Variants in BMPR2 observed in about 807,000 individuals in gnomAD.
BMPR2 encodes the protein bone morphogenetic protein receptor type 2.
BMPR2 carries 29 observed loss-of-function variants against 100.8 expected under a neutral mutation model. That is an observed-to-expected ratio of 0.29 (90% CI 0.21 to 0.39). The LOEUF is 0.39. Among genes scored for constraint, BMPR2 ranks in the 10% least tolerant of loss-of-function variants. BMPR2 has a pLI of 1.00. For synonymous variants in BMPR2, 382 were observed against 442.3 expected, an observed-to-expected ratio of 0.86 and a Z score of 1.71; for missense variants, 1,011 against 1,274.5, an observed-to-expected ratio of 0.79 and a Z score of 3.15.
At chr2:202,519,346 G>A (rs1165011155) in intron 6 of BMPR2, among the ~76,000 whole-genome samples, 1 of 152,120 alleles carries the variant, frequency 6.6e-6, no homozygotes. Context: ...CTGGGCGACA[G>A]AGCAAGACGC....
chr2:202,555,310 T>C lies in BMPR2; in HGVS notation c.1645T>C (p.Ser549Pro), dbSNP rs1178061846. Residue 549 changes from serine to proline, a missense_variant, in exon 12 of 13, where the codon TCC (serine) becomes CCC (proline). Physicochemically the swap from Ser to Pro is moderately conservative, Grantham distance 74. This residue lies in a region of BMPR2 where 508 missense variants were observed against 552.0 expected (regional missense o/e 0.92). Coordinates refer to ENST00000374580, the MANE Select transcript of BMPR2 (RefSeq NM_001204.7). ...KIGPYPDYSS[S>P]SYIEDSIHHT... is the part of the protein sequence containing the mutation. Reference sequence around the variant, plus strand: ...TGGTCCTTATCCAGATTATTCTTCCTCCTCATACATTGAAGACTCTATCCA... The same window carrying C: ...TGGTCCTTATCCAGATTATTCTTCCCCCTCATACATTGAAGACTCTATCCA... 1.2e-6 allele frequency: 2 copies of C among 1,614,196 alleles called. No homozygotes were observed. Among genetic ancestry groups the C allele is most frequent in the African/African-American group, 2.7e-5 (2 of 75,052 alleles).
intron 1 of BMPR2, among the ~76,000 whole-genome samples, chr2:202,434,922 T>A (rs1559037450): frequency 8.8e-5 from 10 of 113,704 alleles, no homozygotes; most frequent in East Asian, 2.3e-4. Context: ...TATATATATA[T>A]ATATATATAT....
intron 9 of BMPR2, among the ~76,000 whole-genome samples, chr2:202,536,213 A>C (rs1688155151): frequency 6.6e-6 from 1 of 152,118 alleles, no homozygotes; most frequent in Admixed American, 6.5e-5. Context: ...CCCCAGGCTC[A>C]GGTGATTCTC....
chr2:202,397,786 C>A lies in BMPR2; in HGVS notation c.76+20236C>A, dbSNP rs576284852. Among the ~76,000 whole-genome samples, 58 of 151,224 alleles carry A rather than the reference C, an allele frequency of 3.8e-4. 1 individual carries two copies. In the South Asian group the frequency reaches 0.012, roughly 31 times the overall value. ...AAGTGCTGGGATTATAGACGTGAGCCACCATGCCTGGCCAAAAATGCTTCC... is the reference window on the plus strand; with the variant it reads ...AAGTGCTGGGATTATAGACGTGAGCAACCATGCCTGGCCAAAAATGCTTCC... On this transcript the variant is annotated intron_variant, in intron 1 of 12. Coordinates refer to ENST00000374580, the MANE Select transcript of BMPR2 (RefSeq NM_001204.7).
In BMPR2 at chr2:202,448,647, G is replaced by A. The variant is rs182372922; in HGVS notation, c.77-16162G>A. 3.6e-3 allele frequency among the ~76,000 whole-genome samples: 543 copies of A among 150,708 alleles called. 3 individuals carry two copies. The highest frequency in any genetic ancestry group is 0.011 in the African/African-American group (450 of 41,168). ...AATTTTTTGTATTTTTATTAGAGAC[G>A]GGGTTTCGACATGTTAGCCAGGATG... On this transcript the variant is annotated intron_variant, in intron 1 of 12. Transcript: ENST00000374580.
At position 202,562,179 on chromosome 2, in the gene BMPR2, A is replaced by G. The variant is rs576473066; in HGVS notation, c.*2233A>G. The G allele has an allele frequency of 6.6e-6, 1 of 152,450 alleles. No individual in the cohort carries two copies. The highest frequency in any genetic ancestry group is 6.5e-5 in the Admixed American group (1 of 15,294). 9.4% of individuals were successfully genotyped at this position (152,450 alleles called of 1,614,324 possible). On this transcript the variant is annotated 3_prime_UTR_variant, in exon 13 of 13. Transcript: ENST00000374580. The stretch of plus-strand genomic sequence containing the variant: ...TTTGAAGCATTGAGGATAAATGACC[A>G]TTTGAGGTCTAACTGATCTTTTCCT...
intron 3 of BMPR2, among the ~76,000 whole-genome samples, chr2:202,494,177 T>C (rs1344721274): frequency 6.6e-6 from 1 of 152,240 alleles, no homozygotes; most frequent in East Asian, 1.9e-4. Flanking sequence ...ATTTGGATTA[T>C]TTTGCTAATG....
Position 202,560,289 on chromosome 2 carries a change from A to G in BMPR2, c.*343A>G. The G allele has an allele frequency of 3.5e-6, 1 of 286,766 alleles. No homozygotes were observed. The highest frequency in any genetic ancestry group is 3.8e-5 in the South Asian group (1 of 26,614). The allele number at this position is 286,766 out of a possible 1,614,324, so 17.8% of individuals were successfully genotyped here. ...AATGTATTGCTGATAATCAGTTTGG[A>G]CCAGTTTCTTAAGGTCATTAAAACA... On this transcript the variant is annotated 3_prime_UTR_variant, in exon 13 of 13. Transcript: ENST00000374580.
At chr2:202,547,980 G>A (rs183084848) in intron 10 of BMPR2, among the ~76,000 whole-genome samples, 19 of 151,906 alleles carry the variant, frequency 1.3e-4, no homozygotes, top group African/African-American at 4.1e-4. Context: ...AGCTACTCAG[G>A]AGGCTGAGGC....
intron 1 of BMPR2, among the ~76,000 whole-genome samples, chr2:202,396,359 G>C (rs1300244043): frequency 6.6e-6 from 1 of 152,190 alleles, no homozygotes; most frequent in Non-Finnish European, 1.5e-5. Context: ...TGGCTGATGG[G>C]TTATCATTCT....
chr2:202,468,957 G>C (rs1692378250), intron 3 of BMPR2, among the ~76,000 whole-genome samples: 1 of 152,048 alleles, frequency 6.6e-6, no homozygotes, highest in Non-Finnish European at 1.5e-5. Context: ...GAATGAGACA[G>C]AAAGAATATG....
intron 10 of BMPR2, among the ~76,000 whole-genome samples, chr2:202,551,695 G>A (rs1466048394): frequency 1.3e-5 from 2 of 152,046 alleles, no homozygotes; most frequent in Non-Finnish European, 2.9e-5. Flanking sequence ...GTTGAAATGA[G>A]GCACTCTTTT....
At position 202,485,373 on chromosome 2, in the gene BMPR2, C is replaced by G. The variant is rs1692751466; in HGVS notation, c.418+17684C>G. ...AGCCAAGGTATTGGCTGAGTTGGTT[C>G]CTTCTGGAGGCTGTAAAGGAGAATC... On this transcript the variant is annotated intron_variant, in intron 3 of 12. Coordinates refer to ENST00000374580, the MANE Select transcript of BMPR2 (RefSeq NM_001204.7). Among the ~76,000 whole-genome samples, 3 of 151,716 alleles carry G rather than the reference C, an allele frequency of 2.0e-5. 1 individual carries two copies. In the South Asian group the frequency reaches 6.3e-4, roughly 32 times the overall value.
At chr2:202,467,172 A>T in intron 2 of BMPR2, 1 of 323,648 alleles carries the variant, frequency 3.1e-6, no homozygotes, top group Non-Finnish European at 5.9e-6. Flanking sequence ...CTAAGGTAGG[A>T]GAATCGCTTG....
At chr2:202,497,681 G>C (rs35935965) in intron 3 of BMPR2, among the ~76,000 whole-genome samples, 19,231 of 152,172 alleles carry the variant, frequency 0.13, 1,294 homozygotes, top group Admixed American at 0.14. Flanking sequence ...CCCATCTATC[G>C]TATCTATCCT....
At chr2:202,448,362 G>A (rs1017821178) in intron 1 of BMPR2, among the ~76,000 whole-genome samples, 3 of 150,380 alleles carry the variant, frequency 2.0e-5, no homozygotes, top group African/African-American at 7.4e-5. Flanking sequence ...CAGGAGAATG[G>A]CGTGAACCCG....
chr2:202,444,499 T>TG (rs1462121661), intron 1 of BMPR2, among the ~76,000 whole-genome samples: 1 of 150,720 alleles, frequency 6.6e-6, no homozygotes, highest in East Asian at 1.9e-4. Context: ...TAATTTGTTT[T>TG]TTGTGTTGGT....
chr2:202,406,825 A>G (rs1690900925), intron 1 of BMPR2, among the ~76,000 whole-genome samples: 1 of 152,234 alleles, frequency 6.6e-6, no homozygotes, highest in Non-Finnish European at 1.5e-5. Context: ...AGAATGGCGT[A>G]ATAAACTTAA....
intron 7 of BMPR2, among the ~76,000 whole-genome samples, chr2:202,526,318 G>A (rs1008718441): frequency 2.0e-5 from 3 of 152,096 alleles, no homozygotes; most frequent in Non-Finnish European, 4.4e-5. Flanking sequence ...TTATAGCCCT[G>A]ACATTATTTT....
Sources: allele counts gnomAD v4.1 joint callset (sites outside exome capture counted in the v4.1 genomes callset), GRCh38; gene constraint gnomAD v4.1.1; regional missense constraint gnomAD v4.1.1; transcripts MANE v1.5; gene names NCBI Gene and HGNC (gene_info 2026-07-23, HGNC 2026-07-21).